MARCHF3: variants seen among roughly 807,000 people sequenced by gnomAD.
The protein encoded by MARCHF3 is membrane associated ring-CH-type finger 3.
A neutral mutation model predicts 24.2 loss-of-function variants in MARCHF3; 13 were observed. That is an observed-to-expected ratio of 0.54 (90% CI 0.35 to 0.85). The LOEUF (loss-of-function observed/expected upper bound fraction) is 0.85. MARCHF3 is among the 40% of genes least tolerant of loss of function. The pLI, the probability that MARCHF3 is intolerant of heterozygous loss-of-function variation, is 0.01. For missense variants in MARCHF3, 276 were observed against 325.0 expected (o/e 0.85, Z 1.16); for synonymous variants, 144 against 137.3 (o/e 1.05, Z -0.34).
At chr5:126,998,828 TG>T (rs1465525941) in intron 1 of MARCHF3, among the ~76,000 whole-genome samples, 1 of 152,076 alleles carries the variant, frequency 6.6e-6, no homozygotes, top group African/African-American at 2.4e-5. Flanking sequence ...TAAAGATCTG[TG>T]GTAAAAAGAA....
At chr5:126,926,703 G>T (rs1335428186) in intron 1 of MARCHF3, among the ~76,000 whole-genome samples, 1 of 152,112 alleles carries the variant, frequency 6.6e-6, no homozygotes, top group Non-Finnish European at 1.5e-5. Context: ...GGGTCAGGGA[G>T]TCCTGGCTTT....
At chr5:126,910,847 C>T (rs959755228) in intron 3 of MARCHF3, among the ~76,000 whole-genome samples, 2 of 152,196 alleles carry the variant, frequency 1.3e-5, no homozygotes, top group South Asian at 2.1e-4. Flanking sequence ...CTGGGCAGAA[C>T]AGAGCCATAT....
At chr5:126,908,069 T>A (rs1283201932) in intron 3 of MARCHF3, among the ~76,000 whole-genome samples, 1 of 152,168 alleles carries the variant, frequency 6.6e-6, no homozygotes, top group East Asian at 1.9e-4. Context: ...CTATTTCTCC[T>A]TCACTTATGA....
At chr5:126,883,844 T>C (rs1411317714) in intron 3 of MARCHF3, among the ~76,000 whole-genome samples, 1 of 152,202 alleles carries the variant, frequency 6.6e-6, no homozygotes, top group African/African-American at 2.4e-5. Context: ...CTCTGGTGGC[T>C]AATAGCTCTG....
At chr5:126,905,805 A>G (rs1235807619) in intron 3 of MARCHF3, among the ~76,000 whole-genome samples, 1 of 151,824 alleles carries the variant, frequency 6.6e-6, no homozygotes, top group Non-Finnish European at 1.5e-5. Flanking sequence ...AATACCCTTT[A>G]TTTCCTTCTC....
intron 3 of MARCHF3, among the ~76,000 whole-genome samples, chr5:126,894,901 G>A (rs1248291165): frequency 1.3e-5 from 2 of 152,014 alleles, no homozygotes; most frequent in African/African-American, 4.8e-5. Context: ...ATCCTGCAGA[G>A]TGTTTTCCAA....
chr5:126,882,254 A>T (rs1466103636), intron 3 of MARCHF3, among the ~76,000 whole-genome samples: 3 of 152,080 alleles, frequency 2.0e-5, no homozygotes. Flanking sequence ...AGGTTTTTTA[A>T]CTTTTCAGCT....
chr5:127,013,662 A>G (rs1398741097), intron 1 of MARCHF3, among the ~76,000 whole-genome samples: 1 of 152,200 alleles, frequency 6.6e-6, no homozygotes, highest in Non-Finnish European at 1.5e-5. Flanking sequence ...CATAACATAA[A>G]CACAATCTGG....
At chr5:126,877,354 C>T (rs1753192391) in intron 4 of MARCHF3, among the ~76,000 whole-genome samples, 1 of 152,086 alleles carries the variant, frequency 6.6e-6, no homozygotes, top group Admixed American at 6.5e-5. Flanking sequence ...CGAGCAGGCA[C>T]AGGAGAGTAA....
rs561418555 is a variant in MARCHF3, at chr5:126,981,531, C to T, written c.-57+48819G>A. On this transcript the variant is annotated intron_variant, in intron 1 of 4. Coordinates refer to ENST00000308660, the MANE Select transcript of MARCHF3 (RefSeq NM_178450.5). ...TTGGAGATAACTTCCTTGAGTCTTACTTTCTTTAAATACATTAGAGAAATG... is the reference window on the plus strand; with the variant it reads ...TTGGAGATAACTTCCTTGAGTCTTATTTTCTTTAAATACATTAGAGAAATG... Among the ~76,000 whole-genome samples the T allele has an allele frequency of 2.0e-5, 3 of 152,208 alleles. No homozygotes were observed. In the South Asian group the frequency reaches 6.2e-4, roughly 32 times the overall value.
At chr5:126,873,423 AAGAG>A (rs1412352061) in intron 4 of MARCHF3, among the ~76,000 whole-genome samples, 1 of 152,020 alleles carries the variant, frequency 6.6e-6, no homozygotes, top group African/African-American at 2.4e-5. Flanking sequence ...AAAAAAAAAA[AAGAG>A]AGACAGAGAC....
intron 1 of MARCHF3, among the ~76,000 whole-genome samples, chr5:126,997,549 G>T (rs748625990): frequency 6.6e-6 from 1 of 152,124 alleles, no homozygotes; most frequent in Non-Finnish European, 1.5e-5. Flanking sequence ...ATAGGCTTTC[G>T]ATCTCTCCCT....
At chr5:126,876,464 A>T (rs1753161292) in intron 4 of MARCHF3, among the ~76,000 whole-genome samples, 1 of 152,218 alleles carries the variant, frequency 6.6e-6, no homozygotes, top group Non-Finnish European at 1.5e-5. Context: ...TTTCCACTTG[A>T]CAGATGAGGA....
At chr5:126,906,884 T>C (rs1433993984) in intron 3 of MARCHF3, among the ~76,000 whole-genome samples, 1 of 152,126 alleles carries the variant, frequency 6.6e-6, no homozygotes, top group Non-Finnish European at 1.5e-5. Context: ...TGCTCTTGCA[T>C]TTCTAGTTCT....
At chr5:126,991,570 A>G (rs1452365798) in intron 1 of MARCHF3, among the ~76,000 whole-genome samples, 2 of 152,142 alleles carry the variant, frequency 1.3e-5, no homozygotes, top group African/African-American at 4.8e-5. Flanking sequence ...TAATACAAAA[A>G]TTAGCTGGGC....
chr5:126,949,602 A>T (rs1177413271), intron 1 of MARCHF3, among the ~76,000 whole-genome samples: 8 of 152,120 alleles, frequency 5.3e-5, no homozygotes, highest in African/African-American at 1.9e-4. Flanking sequence ...GACAAAGTGG[A>T]ATACATCCTA....
chr5:126,953,259 T>C (rs540111032), intron 1 of MARCHF3, among the ~76,000 whole-genome samples: 2 of 152,324 alleles, frequency 1.3e-5, no homozygotes, highest in South Asian at 2.1e-4. Context: ...AAAATCCATG[T>C]TCTTCTTGAA....
chr5:126,909,727 G>C (rs1754449804), intron 3 of MARCHF3, among the ~76,000 whole-genome samples: 1 of 152,164 alleles, frequency 6.6e-6, no homozygotes, highest in South Asian at 2.1e-4. Flanking sequence ...TCCCTAGTGA[G>C]ATGAACCTGG....
chr5:127,004,564 T>A (rs1752246538), intron 1 of MARCHF3, among the ~76,000 whole-genome samples: 1 of 152,172 alleles, frequency 6.6e-6, no homozygotes, highest in African/African-American at 2.4e-5. Flanking sequence ...GCTTATGAAA[T>A]TCCATACCTC....
Sources: gnomAD v4.1 joint callset for allele counts (sites outside exome capture counted in the v4.1 genomes callset) on GRCh38, gnomAD v4.1.1 for gene constraint, MANE v1.5 for transcripts, NCBI Gene and HGNC (gene_info 2026-07-23, HGNC 2026-07-21) for gene names.